The following VSNL1 variants were observed in gnomAD, a reference collection of about 807,000 sequenced individuals.
The protein encoded by VSNL1 is visinin like 1.
Under a neutral mutation model 20.4 loss-of-function variants are expected in VSNL1, and 6 were observed. The ratio of observed to expected loss-of-function variants is 0.29; its 90% CI spans 0.16 to 0.58. The LOEUF is 0.58. VSNL1 is among the 20% of genes least tolerant of loss of function. VSNL1 has a pLI of 0.90. For synonymous variants in VSNL1, 93 were observed against 86.4 expected (o/e 1.08, Z -0.42); for missense variants, 100 against 234.5 (o/e 0.43, Z 3.75).
chr2:17,638,625 T>C (rs757655690), intron 2 of VSNL1, among the ~76,000 whole-genome samples: 2 of 152,222 alleles, frequency 1.3e-5, no homozygotes, highest in Non-Finnish European at 2.9e-5. Flanking sequence ...GTTCCAGACC[T>C]GGCGCTGGAG....
intron 1 of VSNL1, among the ~76,000 whole-genome samples, chr2:17,568,330 C>T (rs1363545725): frequency 1.3e-5 from 2 of 152,082 alleles, no homozygotes; most frequent in South Asian, 4.1e-4. Context: ...TGCAGTGGTG[C>T]AATCTTGGCT....
Position 17,655,337 on chromosome 2 carries a change from A to G in VSNL1, c.519A>G (p.Glu173=), listed in dbSNP as rs143782653. The G allele has an allele frequency of 1.1e-4, 177 of 1,614,132 alleles. No homozygotes were observed. The East Asian group carries it at 3.7e-3, about 33-fold the overall frequency. The part of the protein sequence containing the change: ...DDQITLDEFK[E]AAKSDPSIVL... ...AGATTACACTGGATGAATTCAAAGA[A>G]GCTGCAAAGAGCGACCCTTCCATTG... The change falls in exon 4 of 4, where the codon GAA becomes GAG. Residue 173 remains glutamate, a synonymous_variant. Coordinates refer to ENST00000295156, the MANE Select transcript of VSNL1 (RefSeq NM_003385.5). The surrounding 1 kb of genome is among the most constrained non-coding windows in gnomAD (Gnocchi z 5.2).
intron 1 of VSNL1, among the ~76,000 whole-genome samples, chr2:17,573,491 T>C (rs1664129073): frequency 6.6e-6 from 1 of 151,404 alleles, no homozygotes; most frequent in African/African-American, 2.4e-5. Flanking sequence ...GTGGAATAAA[T>C]GAAATGGAGA....
At chr2:17,597,637 T>A (rs545943798) in intron 2 of VSNL1, among the ~76,000 whole-genome samples, 1 of 152,216 alleles carries the variant, frequency 6.6e-6, no homozygotes, top group Non-Finnish European at 1.5e-5. Context: ...TCCCTGTCCC[T>A]CTAGGTGGTC....
intron 2 of VSNL1, among the ~76,000 whole-genome samples, chr2:17,643,900 G>A (rs912584759): frequency 6.8e-4 from 104 of 152,266 alleles, no homozygotes; most frequent in Middle Eastern, 3.4e-3. Flanking sequence ...AAGCGGCCCC[G>A]GGACAAGGGA....
intron 1 of VSNL1, among the ~76,000 whole-genome samples, chr2:17,551,964 C>T (rs1408133276): frequency 3.3e-5 from 5 of 150,148 alleles, no homozygotes; most frequent in South Asian, 4.2e-4. Flanking sequence ...TTTGGGAGGC[C>T]GAGGCGGGTG....
intron 1 of VSNL1, among the ~76,000 whole-genome samples, chr2:17,577,149 A>C (rs1451399903): frequency 2.6e-5 from 4 of 152,258 alleles, no homozygotes; most frequent in Non-Finnish European, 5.9e-5. Flanking sequence ...TACAGTAAAA[A>C]TATATTATAC....
chr2:17,608,475 A>G (rs770341505), intron 2 of VSNL1, among the ~76,000 whole-genome samples: 19 of 152,220 alleles, frequency 1.2e-4, no homozygotes, highest in Non-Finnish European at 2.5e-4. Context: ...TGCCAGGGTA[A>G]CCCACTGGAT....
At chr2:17,542,052 C>T (rs1179677232) in intron 1 of VSNL1, among the ~76,000 whole-genome samples, 1 of 152,098 alleles carries the variant, frequency 6.6e-6, no homozygotes, top group Admixed American at 6.5e-5. Flanking sequence ...GTATCACTTT[C>T]CAGTTGAAGG....
At chr2:17,590,184 C>G (rs189092096) in intron 1 of VSNL1, among the ~76,000 whole-genome samples, 11 of 152,282 alleles carry the variant, frequency 7.2e-5, no homozygotes, top group African/African-American at 2.4e-4. Flanking sequence ...CCATCGCCAG[C>G]ACTCAATATT....
At chr2:17,623,387 C>T (rs1197266364) in intron 2 of VSNL1, among the ~76,000 whole-genome samples, 2 of 151,938 alleles carry the variant, frequency 1.3e-5, no homozygotes, top group Non-Finnish European at 2.9e-5. Flanking sequence ...AGAGCAACCC[C>T]GGCTGGGCAC....
rs571027295 is a variant in VSNL1, at chr2:17,592,380, A to G, written c.162+144A>G. The stretch of plus-strand genomic sequence containing the variant: ...TTTCCATCCAGAAAGAAAAATTAAC[A>G]TTTAAAAATGCAAATGTATATATGT... On this transcript the variant is annotated intron_variant, in intron 2 of 3. Coordinates refer to ENST00000295156, the MANE Select transcript of VSNL1 (RefSeq NM_003385.5). The G allele has an allele frequency of 7.6e-4, 677 of 892,920 alleles. 1 individual carries two copies. The highest frequency in any genetic ancestry group is 1.1e-3 in the Non-Finnish European group (648 of 594,400). The allele number at this position is 892,920 out of a possible 1,614,324, so 55.3% of individuals were successfully genotyped here.
rs1666199072 is a variant in VSNL1 at position 17,655,115 on chromosome 2, C to T, written c.379-82C>T. The T allele has an allele frequency of 2.0e-5, 29 of 1,419,542 alleles. No individual in the cohort carries two copies. Among genetic ancestry groups the T allele is most frequent in the Non-Finnish European group, 2.6e-5 (27 of 1,023,856 alleles). The allele number at this position is 1,419,542 out of a possible 1,614,324, so 87.9% of individuals were successfully genotyped here. ...GAGGCTTGGAGGATGGGTGGGATCC[C>T]GTCAGGTGAAAGGGAGGCAAGAAGA... On this transcript the variant is annotated intron_variant, in intron 3 of 3. Coordinates refer to ENST00000295156, the MANE Select transcript of VSNL1 (RefSeq NM_003385.5). The surrounding 1 kb of genome is among the most constrained non-coding windows in gnomAD (Gnocchi z 5.2).
At chr2:17,556,896 T>C (rs1438371077) in intron 1 of VSNL1, among the ~76,000 whole-genome samples, 4 of 152,200 alleles carry the variant, frequency 2.6e-5, no homozygotes, top group Admixed American at 2.6e-4. Context: ...CAAAAGGAGC[T>C]TACATCTGCC....
At chr2:17,614,875 T>C (rs1313214047) in intron 2 of VSNL1, among the ~76,000 whole-genome samples, 1 of 152,242 alleles carries the variant, frequency 6.6e-6, no homozygotes, top group Non-Finnish European at 1.5e-5. Context: ...ATTTGTAAGA[T>C]GAGAATAATC....
chr2:17,588,035 C>T (rs1664518392), intron 1 of VSNL1, among the ~76,000 whole-genome samples: 1 of 152,154 alleles, frequency 6.6e-6, no homozygotes. Flanking sequence ...TCCACCAGTC[C>T]TGTTTTGTGC....
At chr2:17,612,128 G>A (rs563175036) in intron 2 of VSNL1, among the ~76,000 whole-genome samples, 1 of 152,326 alleles carries the variant, frequency 6.6e-6, no homozygotes, top group Admixed American at 6.5e-5. Flanking sequence ...TGAGGAGAGG[G>A]ATAGATGTGT....
rs1474894063 is a variant in VSNL1 at position 17,655,427 on chromosome 2, C to T, written c.*33C>T. On this transcript the variant is annotated 3_prime_UTR_variant, in exon 4 of 4. Coordinates refer to ENST00000295156, the MANE Select transcript of VSNL1 (RefSeq NM_003385.5). The surrounding 1 kb of genome is among the most constrained non-coding windows in gnomAD (Gnocchi z 5.2). Reference sequence around the variant, plus strand: ...TCAATGCTATGGACTGCACAAAAGTCTCAATGTTCCATTCAGTCTGCAGCT... The same window carrying T: ...TCAATGCTATGGACTGCACAAAAGTTTCAATGTTCCATTCAGTCTGCAGCT... 5.1e-6 allele frequency: 8 copies of T among 1,574,894 alleles called. No individual in the cohort carries two copies. The Admixed American group carries it at 1.2e-4, about 23-fold the overall frequency.
At chr2:17,603,376 G>A (rs972006889) in intron 2 of VSNL1, among the ~76,000 whole-genome samples, 2 of 152,190 alleles carry the variant, frequency 1.3e-5, no homozygotes, top group African/African-American at 4.8e-5. Context: ...GCTCTCCGAG[G>A]CCTCTTTTAT....
Sources: gnomAD v4.1 joint callset for allele counts (sites outside exome capture counted in the v4.1 genomes callset) on GRCh38, gnomAD v4.1.1 for gene constraint, Gnocchi (gnomAD v3.1) non-coding constraint, MANE v1.5 for transcripts, NCBI Gene and HGNC (gene_info 2026-07-23, HGNC 2026-07-21) for gene names.